The following SLAIN2 variants were observed in gnomAD, a reference collection of about 807,000 sequenced individuals.
SLAIN2 encodes the protein SLAIN family member 2, also known as SLAIN motif-containing protein 2.
SLAIN2 carries 31 observed loss-of-function variants against 56.6 expected under a neutral mutation model. The observed-to-expected ratio is 0.55, with a 90% CI of 0.41 to 0.74. The LOEUF (loss-of-function observed/expected upper bound fraction) is 0.74, where lower values mean the gene tolerates loss of function less well. Ranked by LOEUF, SLAIN2 falls within the 30% of genes least tolerant of loss-of-function variation. SLAIN2 has a pLI of 0.00. For missense variants in SLAIN2, 777 were observed against 754.2 expected, an observed-to-expected ratio of 1.03 and a Z score of -0.35; for synonymous variants, 317 against 284.9, an observed-to-expected ratio of 1.11 and a Z score of -1.13.
In SLAIN2 at chr4:48,369,891, A is replaced by G. The variant is rs751106126; in HGVS notation, c.432A>G (p.Lys144=). 6.2e-7 allele frequency: 1 copy of G among 1,613,660 alleles called. No homozygotes were observed. Among genetic ancestry groups the G allele is most frequent in the Non-Finnish European group, 8.5e-7 (1 of 1,179,710 alleles). The change falls in exon 2 of 8, where the codon AAA becomes AAG. Residue 144 remains lysine, a synonymous_variant. Transcript: ENST00000264313. Reference sequence around the variant, plus strand: ...AGAAAAAACTTACACCAATGCAGAAATCGGTTAGTCCATTAGTTTGGTGCA... The same window carrying G: ...AGAAAAAACTTACACCAATGCAGAAGTCGGTTAGTCCATTAGTTTGGTGCA... The part of the protein sequence containing the change: ...SPKKKLTPMQ[K]SVSPLVWCRQ...
intron 6 of SLAIN2, among the ~76,000 whole-genome samples, chr4:48,399,165 C>T (rs2109775437): frequency 6.6e-6 from 1 of 152,168 alleles, no homozygotes; most frequent in East Asian, 1.9e-4. Context: ...TTGTTTGTTT[C>T]CTCTCTGATT....
Position 48,342,076 on chromosome 4 carries a change from C to G in SLAIN2, c.337C>G (p.Arg113Gly), listed in dbSNP as rs751945999. Residue 113 changes from arginine (R) to glycine (G), a missense_variant, in exon 1 of 8, where the codon CGG becomes GGG. By Grantham distance (125) the Arg-to-Gly change is moderately radical. Coordinates refer to ENST00000264313, the MANE Select transcript of SLAIN2 (RefSeq NM_020846.2). Reference sequence around the variant, plus strand: ...CTTGCTGGACGAGGTGGAGCCGCTGCGGCCCGACGAGCTGGAGCGCCTGTC... The same window carrying G: ...CTTGCTGGACGAGGTGGAGCCGCTGGGGCCCGACGAGCTGGAGCGCCTGTC... ...GGLLDEVEPL[R>G]PDELERLSGW... The G allele has an allele frequency of 2.6e-4, 360 of 1,369,064 alleles. No individual in the cohort carries two copies. The highest frequency in any genetic ancestry group is 5.2e-4 in the Admixed American group (13 of 24,912). 84.8% of individuals were successfully genotyped at this position (1,369,064 alleles called of 1,614,324 possible).
chr4:48,413,505 G>A (rs991943083), intron 6 of SLAIN2, among the ~76,000 whole-genome samples: 2 of 152,066 alleles, frequency 1.3e-5, no homozygotes, highest in African/African-American at 2.4e-5. Context: ...TTGTTCTTTA[G>A]CAGCCAGAAC....
chr4:48,398,235 C>T (rs1344811814), intron 6 of SLAIN2, among the ~76,000 whole-genome samples: 1 of 152,166 alleles, frequency 6.6e-6, no homozygotes, highest in Non-Finnish European at 1.5e-5. Context: ...ATTTGCATTT[C>T]CCTAATGATC....
chr4:48,357,568 A>G (rs1430516820), intron 1 of SLAIN2, among the ~76,000 whole-genome samples: 1 of 150,656 alleles, frequency 6.6e-6, no homozygotes, highest in African/African-American at 2.4e-5. Flanking sequence ...TTTTCCCCCA[A>G]GATGGAGTTT....
chr4:48,381,751 CAG>C (rs1002515312), intron 4 of SLAIN2, among the ~76,000 whole-genome samples: 27 of 152,150 alleles, frequency 1.8e-4, no homozygotes, highest in Non-Finnish European at 4.0e-4. Context: ...CACTTTATAA[CAG>C]ATCTTTTTGA....
intron 1 of SLAIN2, among the ~76,000 whole-genome samples, chr4:48,354,389 C>T (rs1369792318): frequency 6.6e-6 from 1 of 152,074 alleles, no homozygotes; most frequent in Admixed American, 6.6e-5. Flanking sequence ...AGTGGTTAAA[C>T]TTAGCCTCTT....
Position 48,380,242 on chromosome 4 carries a change from ACTT to A in SLAIN2, c.862+398_862+400del, listed in dbSNP as rs1213876513. 2.6e-5 allele frequency among the ~76,000 whole-genome samples: 4 copies of A among 152,120 alleles called. No individual in the cohort carries two copies. The East Asian group carries it at 5.8e-4, about 22-fold the overall frequency. Reference sequence around the variant, plus strand: ...GCTCCCCTAAGGAGCCTTGTTAAAAACTTCTTTTCCTTTTCTCCCACACTCCCC... The same window carrying A: ...GCTCCCCTAAGGAGCCTTGTTAAAAACTTTTCCTTTTCTCCCACACTCCCC... On this transcript the variant is annotated intron_variant, in intron 4 of 7. Coordinates refer to ENST00000264313, the MANE Select transcript of SLAIN2 (RefSeq NM_020846.2).
At chr4:48,386,090 GAAA>G (rs763740224) in intron 6 of SLAIN2, among the ~76,000 whole-genome samples, 4 of 76,820 alleles carry the variant, frequency 5.2e-5, no homozygotes, top group South Asian at 5.1e-4. Context: ...TCTATTGAAA[GAAA>G]AAAAAAAAAA....
intron 6 of SLAIN2, among the ~76,000 whole-genome samples, chr4:48,389,250 C>A (rs1338033508): frequency 6.6e-6 from 1 of 152,156 alleles, no homozygotes; most frequent in East Asian, 1.9e-4. Context: ...CTGGCCTTTA[C>A]CGCTGGAAAT....
rs1717219732 is a variant in SLAIN2 at position 48,423,557 on chromosome 4, T to C, written c.*1480T>C. The stretch of plus-strand genomic sequence containing the variant: ...ACATTCCGTAAGTTGGCAAAAGAAA[T>C]TGGGAGAGAGAAATAGAAGGCTTGA... On this transcript the variant is annotated 3_prime_UTR_variant, in exon 8 of 8. Transcript: ENST00000264313. The C allele has an allele frequency of 1.3e-5, 2 of 152,038 alleles. No homozygotes were observed. Among genetic ancestry groups the C allele is most frequent in the African/African-American group, 4.8e-5 (2 of 41,412 alleles). The allele number at this position is 152,038 out of a possible 1,614,324, so 9.4% of individuals were successfully genotyped here.
chr4:48,372,440 C>A (rs1462339249), intron 2 of SLAIN2, among the ~76,000 whole-genome samples: 1 of 152,176 alleles, frequency 6.6e-6, no homozygotes, highest in Non-Finnish European at 1.5e-5. Flanking sequence ...AATGAGTGGG[C>A]ATGGCTGTGT....
Position 48,341,572 on chromosome 4 carries a change from C to G in SLAIN2, c.-168C>G. On this transcript the variant is annotated 5_prime_UTR_variant, in exon 1 of 8. Transcript: ENST00000264313. ...GATGAGGCAGTTCGGCTGGGGCCAGCGGCGCTTTGGAACCCGAGGTGGGGG... is the reference window on the plus strand; with the variant it reads ...GATGAGGCAGTTCGGCTGGGGCCAGGGGCGCTTTGGAACCCGAGGTGGGGG... 1 of 1,078,990 alleles carries G rather than the reference C, an allele frequency of 9.3e-7. No individual in the cohort carries two copies. The highest frequency in any genetic ancestry group is 1.2e-6 in the Non-Finnish European group (1 of 804,334). 66.8% of individuals were successfully genotyped at this position (1,078,990 alleles called of 1,614,324 possible).
intron 1 of SLAIN2, among the ~76,000 whole-genome samples, chr4:48,367,824 G>A (rs1715558504): frequency 6.6e-6 from 1 of 151,970 alleles, no homozygotes; most frequent in African/African-American, 2.4e-5. Flanking sequence ...GTCGTTATAT[G>A]TTAGTGAATT....
chr4:48,421,955 G>A, intron 7 of SLAIN2, 56 bp from the exon 8 acceptor site: 1 of 1,289,510 alleles, frequency 7.8e-7, no homozygotes, highest in South Asian at 1.3e-5. Flanking sequence ...AGATAGTATG[G>A]TACTATTTCA....
intron 6 of SLAIN2, among the ~76,000 whole-genome samples, chr4:48,402,220 A>C (rs1716574175): frequency 7.4e-6 from 1 of 135,552 alleles, no homozygotes. Flanking sequence ...TTTTTCCTTC[A>C]TTTCGACCTT....
intron 6 of SLAIN2, among the ~76,000 whole-genome samples, chr4:48,416,363 T>A (rs1716994221): frequency 1.0e-5 from 1 of 99,950 alleles, no homozygotes; most frequent in African/African-American, 3.9e-5. Context: ...TCTCTGTTTG[T>A]CTGTTGTTGG....
rs1317080340 is a variant in SLAIN2, at chr4:48,424,779, T to G, written c.*2702T>G. 1.3e-5 allele frequency: 2 copies of G among 151,824 alleles called. No homozygotes were observed. Among genetic ancestry groups the G allele is most frequent in the Non-Finnish European group, 2.9e-5 (2 of 67,870 alleles). 9.4% of individuals were successfully genotyped at this position (151,824 alleles called of 1,614,324 possible). A position where few individuals can be genotyped will look rare whatever the true frequency, so the allele number is the denominator to read the frequency against. On this transcript the variant is annotated 3_prime_UTR_variant, in exon 8 of 8. Coordinates refer to ENST00000264313, the MANE Select transcript of SLAIN2 (RefSeq NM_020846.2). ...ACATCACTTTTATAAAAAAAAAAAG[T>G]TTTTTTGAAAGAAAATTAGATACAT...
intron 6 of SLAIN2, among the ~76,000 whole-genome samples, chr4:48,400,375 C>T (rs1181694862): frequency 7.5e-6 from 1 of 132,978 alleles, no homozygotes. Context: ...CTGATTGTGT[C>T]TGTTTGATTC....
Sources: gnomAD v4.1 joint callset for allele counts (sites outside exome capture counted in the v4.1 genomes callset) on GRCh38, gnomAD v4.1.1 for gene constraint, MANE v1.5 for transcripts, NCBI Gene and HGNC (gene_info 2026-07-23, HGNC 2026-07-21) for gene names.